The following SPACA6 variants were observed in gnomAD, a reference collection of about 807,000 sequenced individuals.
SPACA6 encodes the protein sperm acrosome membrane-associated protein 6.
For synonymous variants in SPACA6, 6 were observed against 1.5 expected (o/e 4.05, Z -2.21); for missense variants, 8 against 2.8 (o/e 2.88, Z -1.34).
In SPACA6 at chr19:51,705,134, T is replaced by G. The variant is rs1283149712; in HGVS notation, c.*11T>G. Reference sequence around the variant, plus strand: ...TGCAGTGGCAACTAACAAAGGTATCTTTCCTCCTTCCCTATCCTATTTCCA... The same window carrying G: ...TGCAGTGGCAACTAACAAAGGTATCGTTCCTCCTTCCCTATCCTATTTCCA... On this transcript the variant is annotated 3_prime_UTR_variant, in exon 9 of 9. Coordinates refer to ENST00000637797, the MANE Select transcript of SPACA6 (RefSeq NM_001316972.2). The G allele has an allele frequency of 7.5e-6, 3 of 401,200 alleles. No individual in the cohort carries two copies. Among genetic ancestry groups the G allele is most frequent in the Non-Finnish European group, 1.3e-5 (3 of 226,300 alleles). 24.9% of individuals were successfully genotyped at this position (401,200 alleles called of 1,614,324 possible).
At chr19:51,707,463 T>C (rs2083521334), downstream of SPACA6, among the ~76,000 whole-genome samples, 1 of 151,992 alleles carries the variant, frequency 6.6e-6, no homozygotes, top group Admixed American at 6.6e-5. Flanking sequence ...CCTCAAGTGA[T>C]TGCCTGCCTC....
intron 2 of SPACA6, among the ~76,000 whole-genome samples, chr19:51,698,866 G>A (rs895511718): frequency 2.0e-5 from 3 of 152,138 alleles, no homozygotes; most frequent in Middle Eastern, 3.2e-3. Context: ...ATTTCTTGGG[G>A]ATCCAAGCTC....
At chr19:51,711,446 T>G (rs543756111) in intron 2 of SPACA6, among the ~76,000 whole-genome samples, 2 of 152,140 alleles carry the variant, frequency 1.3e-5, no homozygotes, top group Non-Finnish European at 2.9e-5. Flanking sequence ...GGTGGGAATG[T>G]AAAACGGTAC....
At chr19:51,705,600 C>T (rs138511899), downstream of SPACA6, among the ~76,000 whole-genome samples, 118 of 152,146 alleles carry the variant, frequency 7.8e-4, no homozygotes, top group African/African-American at 2.7e-3. Flanking sequence ...CCCAGTCACC[C>T]CCACCTCATG....
At chr19:51,692,963 C>G (rs980170027), upstream of SPACA6, 1 of 459,290 alleles carries the variant, frequency 2.2e-6, no homozygotes, top group Non-Finnish European at 4.5e-6. The surrounding 1 kb of genome is among the most constrained non-coding windows in gnomAD (Gnocchi z 5.6). Flanking sequence ...GAGGAAGAGC[C>G]GGGCTCTTTT....
At chr19:51,699,836 T>C (rs2083455544) in intron 2 of SPACA6, among the ~76,000 whole-genome samples, 1 of 152,118 alleles carries the variant, frequency 6.6e-6, no homozygotes, top group Admixed American at 6.5e-5. Context: ...GGCGGCACGA[T>C]TTAGCCGATA....
chr19:51,702,558 T>C, intron 3 of SPACA6, 71 bp from the exon 4 acceptor site: 1 of 390,172 alleles, frequency 2.6e-6, no homozygotes, highest in Non-Finnish European at 4.5e-6. Context: ...CTTGTAACAT[T>C]AGCTAGGGGA....
intron 3 of SPACA6, 44 bp downstream of exon 3, chr19:51,701,770 C>A (rs748051106): frequency 2.5e-6 from 1 of 396,184 alleles, no homozygotes; most frequent in Admixed American, 4.4e-5. Context: ...CACACACACA[C>A]AATTAGAAAA....
chr19:51,685,813 GC>G (rs1404726157), upstream of SPACA6: 2 of 152,180 alleles, frequency 1.3e-5, no homozygotes, highest in Non-Finnish European at 2.9e-5. Context: ...ACTGTGCCCA[GC>G]CCCATGAAAC....
At chr19:51,698,913 C>T (rs1465605861) in intron 2 of SPACA6, among the ~76,000 whole-genome samples, 2 of 152,158 alleles carry the variant, frequency 1.3e-5, no homozygotes, top group Non-Finnish European at 2.9e-5. Flanking sequence ...AGCCCTTGTC[C>T]TCATGGTCCC....
chr19:51,699,076 T>C (rs2083449583), intron 2 of SPACA6, among the ~76,000 whole-genome samples: 1 of 152,168 alleles, frequency 6.6e-6, no homozygotes, highest in South Asian at 2.1e-4. Context: ...AGTGGTGCAA[T>C]CATAGCTCAC....
chr19:51,684,815 G>A (rs1255396571), upstream of SPACA6, among the ~76,000 whole-genome samples: 1 of 152,232 alleles, frequency 6.6e-6, no homozygotes, highest in Non-Finnish European at 1.5e-5. Flanking sequence ...AGGCCCATGG[G>A]CTGTGGGTTG....
chr19:51,697,277 A>G (rs2083437024), intron 2 of SPACA6, among the ~76,000 whole-genome samples: 1 of 152,282 alleles, frequency 6.6e-6, no homozygotes, highest in South Asian at 2.1e-4. Flanking sequence ...TGGCAGCTGT[A>G]TGGGGCCTGG....
chr19:51,696,036 G>A (rs1313758359), intron 2 of SPACA6, among the ~76,000 whole-genome samples: 3 of 152,178 alleles, frequency 2.0e-5, no homozygotes, highest in African/African-American at 4.8e-5. Flanking sequence ...TCCCAGGGAC[G>A]TTTAGGAGGC....
intron 2 of SPACA6, among the ~76,000 whole-genome samples, chr19:51,697,659 G>T (rs2083439891): frequency 6.6e-6 from 1 of 152,178 alleles, no homozygotes; most frequent in Admixed American, 6.5e-5. Flanking sequence ...GTCTCCTCCA[G>T]AGGGAGCAGC....
upstream of SPACA6, among the ~76,000 whole-genome samples, chr19:51,691,078 C>T (rs2083367381): frequency 1.5e-5 from 1 of 66,002 alleles, no homozygotes; most frequent in Admixed American, 1.8e-4. Flanking sequence ...GCCCCTTTCC[C>T]GCCTCTCCTC....
intron 2 of SPACA6, among the ~76,000 whole-genome samples, chr19:51,701,352 C>G (rs761541213): frequency 8.5e-5 from 13 of 152,250 alleles, no homozygotes; most frequent in East Asian, 1.9e-4. Flanking sequence ...CCTTCTCCCC[C>G]CAACAAGCTA....
chr19:51,702,897 G>A, intron 4 of SPACA6, 124 bp from the exon 5 acceptor site: 1 of 399,016 alleles, frequency 2.5e-6, no homozygotes, highest in Non-Finnish European at 4.4e-6. Flanking sequence ...AGACAGCAGG[G>A]AGGGCGGGGT....
At chr19:51,690,865 C>A (rs1445598525), upstream of SPACA6, among the ~76,000 whole-genome samples, 1 of 149,334 alleles carries the variant, frequency 6.7e-6, no homozygotes, top group Non-Finnish European at 1.5e-5. Context: ...AGCCCCGGGG[C>A]ATGCTGGGAA....
Sources: allele counts gnomAD v4.1 joint callset (sites outside exome capture counted in the v4.1 genomes callset), GRCh38; gene constraint gnomAD v4.1.1; non-coding constraint Gnocchi (gnomAD v3.1); transcripts MANE v1.5; gene names NCBI Gene and HGNC (gene_info 2026-07-23, HGNC 2026-07-21).